RABGAP1L: variants seen among roughly 807,000 people sequenced by gnomAD.
The protein encoded by RABGAP1L is RAB GTPase activating protein 1 like.
Under a neutral mutation model 137.7 loss-of-function variants are expected in RABGAP1L, and 63 were observed. The ratio of observed to expected loss-of-function variants is 0.46; its 90% CI spans 0.37 to 0.56. The LOEUF (loss-of-function observed/expected upper bound fraction) is 0.56, where lower values mean the gene tolerates loss of function less well. Among genes scored for constraint, RABGAP1L ranks in the 20% least tolerant of loss-of-function variants. The pLI is 0.00. For synonymous variants in RABGAP1L, 431 were observed against 433.7 expected, an observed-to-expected ratio of 0.99 and a Z score of 0.08; for missense variants, 1,095 against 1,244.0, an observed-to-expected ratio of 0.88 and a Z score of 1.80.
chr1:174,805,990 A>G (rs1030172487), intron 18 of RABGAP1L, among the ~76,000 whole-genome samples: 3 of 152,190 alleles, frequency 2.0e-5, no homozygotes, highest in African/African-American at 7.2e-5. Flanking sequence ...TTCTGAAAGC[A>G]ATATAGAAAA....
intron 18 of RABGAP1L, among the ~76,000 whole-genome samples, chr1:174,787,311 G>C (rs544734459): frequency 6.6e-6 from 1 of 151,666 alleles, no homozygotes; most frequent in South Asian, 2.1e-4. Flanking sequence ...GCTGAGGCAG[G>C]AGAATCGCTT....
chr1:174,548,122 C>T, intron 13 of RABGAP1L: 1 of 1,521,972 alleles, frequency 6.6e-7, no homozygotes. Flanking sequence ...AGTTTAGAAG[C>T]AACTTTATGG....
chr1:174,424,885 A>AT (rs1243361647), intron 13 of RABGAP1L, among the ~76,000 whole-genome samples: 3 of 151,994 alleles, frequency 2.0e-5, no homozygotes, highest in Admixed American at 6.6e-5. Flanking sequence ...TTGGATCCAA[A>AT]TTTTTTGTGG....
intron 19 of RABGAP1L, among the ~76,000 whole-genome samples, chr1:174,936,867 T>A (rs1414152975): frequency 6.6e-6 from 1 of 152,106 alleles, no homozygotes; most frequent in East Asian, 1.9e-4. Context: ...TATAATTACA[T>A]GTTACACTAT....
At chr1:174,461,885 G>A (rs1052661942) in intron 13 of RABGAP1L, among the ~76,000 whole-genome samples, 1 of 152,022 alleles carries the variant, frequency 6.6e-6, no homozygotes, top group African/African-American at 2.4e-5. Flanking sequence ...GTCTTAAAGG[G>A]GGGTGAATAC....
intron 13 of RABGAP1L, among the ~76,000 whole-genome samples, chr1:174,491,073 T>C (rs1272110501): frequency 2.0e-5 from 3 of 151,928 alleles, no homozygotes; most frequent in Non-Finnish European, 4.4e-5. Context: ...CCCTGTGGCC[T>C]AGCTGGTACC....
At chr1:174,176,338 T>A (rs1410602562) in intron 1 of RABGAP1L, among the ~76,000 whole-genome samples, 1 of 152,186 alleles carries the variant, frequency 6.6e-6, no homozygotes, top group Non-Finnish European at 1.5e-5. Flanking sequence ...TGTGTAATTT[T>A]ATAACTCGTC....
chr1:174,598,983 C>G (rs967090086), intron 13 of RABGAP1L, among the ~76,000 whole-genome samples: 2 of 151,680 alleles, frequency 1.3e-5, no homozygotes, highest in South Asian at 4.2e-4. Context: ...ATCTTTCTCC[C>G]TCCCTCCCTC....
At chr1:174,565,218 C>T (rs1667490184) in intron 13 of RABGAP1L, among the ~76,000 whole-genome samples, 1 of 152,052 alleles carries the variant, frequency 6.6e-6, no homozygotes, top group South Asian at 2.1e-4. Flanking sequence ...CATAAAAGAG[C>T]TGGGGCTGGA....
intron 12 of RABGAP1L, among the ~76,000 whole-genome samples, chr1:174,373,963 G>A (rs539584141): frequency 1.3e-5 from 2 of 152,222 alleles, no homozygotes; most frequent in South Asian, 2.1e-4. Flanking sequence ...TGGTCCAATT[G>A]AATTAGGCTT....
intron 11 of RABGAP1L, among the ~76,000 whole-genome samples, chr1:174,312,595 T>G (rs1366023370): frequency 6.6e-6 from 1 of 152,170 alleles, no homozygotes; most frequent in African/African-American, 2.4e-5. Flanking sequence ...TGCAGAAGCT[T>G]TCTAACTTGA....
intron 13 of RABGAP1L, among the ~76,000 whole-genome samples, chr1:174,517,760 T>C (rs1662998424): frequency 6.6e-6 from 1 of 152,242 alleles, no homozygotes; most frequent in Non-Finnish European, 1.5e-5. Context: ...ATGTATCACA[T>C]TGAAATTCCT....
intron 13 of RABGAP1L, among the ~76,000 whole-genome samples, chr1:174,501,955 G>C (rs1482373763): frequency 6.6e-6 from 1 of 150,650 alleles, no homozygotes; most frequent in East Asian, 1.9e-4. Flanking sequence ...CTAGGTTTAC[G>C]GGTTTCTTTC....
chr1:174,859,352 G>A (rs1226668670), intron 19 of RABGAP1L, among the ~76,000 whole-genome samples: 4 of 151,988 alleles, frequency 2.6e-5, no homozygotes, highest in African/African-American at 4.8e-5. Flanking sequence ...GCGTGGTGGC[G>A]GGTGCCTGTA....
chr1:174,720,483 T>C (rs1038203017), intron 17 of RABGAP1L, among the ~76,000 whole-genome samples: 1 of 152,042 alleles, frequency 6.6e-6, no homozygotes. Context: ...GCCTGGCTAA[T>C]TTTTTAATTT....
At chr1:174,757,700 T>G (rs1391402148) in intron 18 of RABGAP1L, among the ~76,000 whole-genome samples, 1 of 151,828 alleles carries the variant, frequency 6.6e-6, no homozygotes, top group Non-Finnish European at 1.5e-5. Context: ...TCCAGTTTCT[T>G]TAGGGAAGCA....
chr1:174,704,259 C>A (rs1168821566), intron 17 of RABGAP1L, among the ~76,000 whole-genome samples: 1 of 152,194 alleles, frequency 6.6e-6, no homozygotes, highest in African/African-American at 2.4e-5. Context: ...AGGCATGAGC[C>A]ACTGCTTCCA....
At chr1:174,846,034 C>A (rs1194584997) in intron 19 of RABGAP1L, among the ~76,000 whole-genome samples, 1 of 149,736 alleles carries the variant, frequency 6.7e-6, no homozygotes, top group Non-Finnish European at 1.5e-5. Context: ...GTAGTATTCT[C>A]TGATGGTAGT....
intron 13 of RABGAP1L, among the ~76,000 whole-genome samples, chr1:174,497,065 C>T (rs1406562873): frequency 1.3e-5 from 2 of 152,224 alleles, no homozygotes; most frequent in African/African-American, 4.8e-5. Flanking sequence ...TCTCTAGGTT[C>T]TTCTACCACA....
Sources: allele counts gnomAD v4.1 joint callset (sites outside exome capture counted in the v4.1 genomes callset), GRCh38; gene constraint gnomAD v4.1.1; transcripts MANE v1.5; gene names NCBI Gene and HGNC (gene_info 2026-07-23, HGNC 2026-07-21).